Variants in GUF1 observed in about 807,000 individuals in gnomAD.
GUF1 encodes the protein translation factor GUF1, mitochondrial.
In GUF1, 78 loss-of-function variants were observed where a neutral mutation model predicts 82.4. That is an observed-to-expected ratio of 0.95 (90% confidence interval 0.79 to 1.14). The LOEUF (loss-of-function observed/expected upper bound fraction) is 1.14, where lower values mean the gene tolerates loss of function less well. Among genes scored for constraint, GUF1 ranks in the 50% most tolerant of loss-of-function variants. GUF1 has a pLI of 0.00. For synonymous variants in GUF1, 279 were observed against 282.3 expected, an observed-to-expected ratio of 0.99 and a Z score of 0.12; for missense variants, 814 against 798.2, an observed-to-expected ratio of 1.02 and a Z score of -0.24.
chr4:44,698,175 A>C (rs1042196883), intron 16 of GUF1, among the ~76,000 whole-genome samples: 4 of 152,104 alleles, frequency 2.6e-5, no homozygotes, highest in African/African-American at 7.2e-5. Context: ...AAATATCGTG[A>C]GAGTTGAATG....
chr4:44,684,635 G>T (rs375108034), intron 6 of GUF1, among the ~76,000 whole-genome samples: 25 of 152,050 alleles, frequency 1.6e-4, no homozygotes, highest in East Asian at 7.7e-4. Context: ...AATTACTATG[G>T]CTCAGTATTA....
In GUF1 at chr4:44,678,704, C is replaced by A. The variant is rs371867418; in HGVS notation, c.82C>A (p.Pro28Thr). 57 of 1,508,042 alleles carry A rather than the reference C, an allele frequency of 3.8e-5. No individual in the cohort carries two copies. The Middle Eastern group carries it at 7.1e-4, about 19-fold the overall frequency. 93.4% of individuals were successfully genotyped at this position (1,508,042 alleles called of 1,614,324 possible). ...CACTGGGGCCGCGCTTCTGGTGGCC[C>A]CGGGGCCCCGGTCCGCGCCGACCCT... is the stretch of plus-strand genomic sequence containing the variant. ...RATGAALLVA[P>T]GPRSAPTLGA... The change falls in exon 1 of 17, where the codon CCG becomes ACG. Residue 28 changes from proline (P) to threonine (T), a missense_variant. By Grantham distance (38) the Pro-to-Thr change is conservative (BLOSUM62 -1). Transcript: ENST00000281543.
At chr4:44,685,579 A>C (rs543354788) in intron 6 of GUF1, among the ~76,000 whole-genome samples, 1 of 152,190 alleles carries the variant, frequency 6.6e-6, no homozygotes, top group South Asian at 2.1e-4. Flanking sequence ...CCACACAACA[A>C]CCTTGAGATT....
Position 44,698,885 on chromosome 4 carries a change from C to G in GUF1, c.*204C>G. 2.0e-6 allele frequency: 1 copy of G among 511,420 alleles called. No homozygotes were observed. The allele number at this position is 511,420 out of a possible 1,614,324, so 31.7% of individuals were successfully genotyped here. ...TTCTCAAATATCTGTTCCAACCACT[C>G]ACTAGTAAGGTGACCGTGGCCAGAT... On this transcript the variant is annotated 3_prime_UTR_variant, in exon 17 of 17. Transcript: ENST00000281543.
In GUF1 at chr4:44,678,802, G is replaced by A; in HGVS notation, c.165+15G>A. On this transcript the variant is annotated intron_variant, in intron 1 of 16. Coordinates refer to ENST00000281543, the MANE Select transcript of GUF1 (RefSeq NM_021927.3). Reference sequence around the variant, plus strand: ...CAGAATTCAAGGTGACTGCCCCCTGGAATCTGATTTAGCCAAGTTTTCAAA... The same window carrying A: ...CAGAATTCAAGGTGACTGCCCCCTGAAATCTGATTTAGCCAAGTTTTCAAA... The A allele has an allele frequency of 6.5e-7, 1 of 1,547,194 alleles. No individual in the cohort carries two copies. Among genetic ancestry groups the A allele is most frequent in the South Asian group, 1.2e-5 (1 of 80,420 alleles).
intron 10 of GUF1, 144 bp from the exon 11 acceptor site, chr4:44,689,699 T>C (rs1715303166): frequency 2.8e-6 from 2 of 704,606 alleles, no homozygotes; most frequent in Non-Finnish European, 4.3e-6. Flanking sequence ...TTTAATAAAA[T>C]TATGCTAGCA....
chr4:44,697,354 CTTTTAAACAGT>C (rs1715891312), intron 15 of GUF1, 43 bp from the exon 16 acceptor site: 1 of 1,096,176 alleles, frequency 9.1e-7, no homozygotes, highest in Non-Finnish European at 1.3e-6. Flanking sequence ...TAAGGAAGTG[CTTTTAAACAGT>C]ATAATGGAAT....
At position 44,680,495 on chromosome 4, in the gene GUF1, G is replaced by A. The variant is rs775392513; in HGVS notation, c.220G>A (p.Val74Ile). ...TGAAAATATTAGAAATTTCAGTATT[G>A]TTGCACACGTGGATCATGGCAAAAG... is the stretch of plus-strand genomic sequence containing the variant. ...PVENIRNFSI[V>I]AHVDHGKSTL... Residue 74 changes from valine to isoleucine, a missense_variant, in exon 2 of 17, where the codon GTT becomes ATT. Transcript: ENST00000281543. The A allele has an allele frequency of 6.2e-7, 1 of 1,609,456 alleles. No homozygotes were observed. The highest frequency in any genetic ancestry group is 8.5e-7 in the Non-Finnish European group (1 of 1,177,618).
chr4:44,682,460 AATTAATG>A, intron 5 of GUF1, 49 bp downstream of exon 5: 1 of 971,428 alleles, frequency 1.0e-6, no homozygotes, highest in Non-Finnish European at 1.5e-6. Context: ...CTAAAAGTAC[AATTAATG>A]TTTAAATGTC....
intron 13 of GUF1, among the ~76,000 whole-genome samples, chr4:44,692,414 T>C (rs1715506509): frequency 6.6e-6 from 1 of 151,790 alleles, no homozygotes; most frequent in African/African-American, 2.4e-5. Flanking sequence ...TTTTTTGTTG[T>C]TGTTGTTGTT....
rs1192545401 is a variant in GUF1, at chr4:44,678,545, G to C, written c.-78G>C. On this transcript the variant is annotated 5_prime_UTR_variant, in exon 1 of 17. Coordinates refer to ENST00000281543, the MANE Select transcript of GUF1 (RefSeq NM_021927.3). The stretch of plus-strand genomic sequence containing the variant: ...GAGTCCTGTCCACCGGATCCTACGG[G>C]GGGTACCTTCGAAAAAAAACGGGCT... 1.7e-6 allele frequency: 2 copies of C among 1,174,920 alleles called. No homozygotes were observed. Among genetic ancestry groups the C allele is most frequent in the Non-Finnish European group, 2.3e-6 (2 of 884,988 alleles). 72.8% of individuals were successfully genotyped at this position (1,174,920 alleles called of 1,614,324 possible).
Position 44,681,200 on chromosome 4 carries a change from T to A in GUF1, c.504T>A (p.Asn168Lys), listed in dbSNP as rs1276036820. Residue 168 changes from asparagine (N) to lysine (K), a missense_variant, in exon 4 of 17, where the codon AAT becomes AAA. Transcript: ENST00000281543. ...CQGVLLVVDA[N>K]EGIQAQTVAN... The stretch of plus-strand genomic sequence containing the variant: ...GTGTTTTACTTGTGGTTGATGCAAA[T>A]GAGGTAGGTATTTTTCATTTTGTAT... 1 of 1,607,024 alleles carries A rather than the reference T, an allele frequency of 6.2e-7. No individual in the cohort carries two copies. Among genetic ancestry groups the A allele is most frequent in the African/African-American group, 1.3e-5 (1 of 74,718 alleles).
intron 6 of GUF1, among the ~76,000 whole-genome samples, chr4:44,684,934 A>G (rs1714964982): frequency 6.6e-6 from 1 of 152,154 alleles, no homozygotes; most frequent in African/African-American, 2.4e-5. Context: ...GCTGTTCTGT[A>G]TATGGGCATA....
Position 44,697,390 on chromosome 4 carries a change from A to G in GUF1, c.1836-18A>G. 6.5e-7 allele frequency: 1 copy of G among 1,532,494 alleles called. No homozygotes were observed. 94.9% of individuals were successfully genotyped at this position (1,532,494 alleles called of 1,614,324 possible). A position where few individuals can be genotyped will look rare whatever the true frequency, so the allele number is the denominator to read the frequency against. The stretch of plus-strand genomic sequence containing the variant: ...TATAATGGAATTATGTACTTAAACG[A>G]ATTTTTCTCTTTTACAGTGTGAAAG... On this transcript the variant is annotated intron_variant, in intron 15 of 16. Coordinates refer to ENST00000281543, the MANE Select transcript of GUF1 (RefSeq NM_021927.3).
rs371225473 is a variant in GUF1 at position 44,683,219 on chromosome 4, A to AT, written c.586-5dup. ...ATCTTTATTATACTTCACATAATGG[A>AT]TTTTTTTTTTTAAAGATAGATCTGA... On this transcript the variant is annotated splice_polypyrimidine_tract_variant and intron_variant, in intron 5 of 16. Transcript: ENST00000281543. The AT allele has an allele frequency of 0.01, 11,814 of 1,133,382 alleles. 2 individuals are homozygous for AT. Among genetic ancestry groups the AT allele is most frequent in the Non-Finnish European group, 0.012 (9,670 of 816,116 alleles). 70.2% of individuals were successfully genotyped at this position (1,133,382 alleles called of 1,614,324 possible).
Position 44,695,880 on chromosome 4 carries a change from T to C in GUF1, c.1835+146T>C, listed in dbSNP as rs139171892. ...ATGATGGTGCTCTCCAGTTTTCTGA[T>C]TTAAGTAATGACTGTTACTTTGAAT... On this transcript the variant is annotated intron_variant, in intron 15 of 16. Coordinates refer to ENST00000281543, the MANE Select transcript of GUF1 (RefSeq NM_021927.3). 30 of 754,072 alleles carry C rather than the reference T, an allele frequency of 4.0e-5. No homozygotes were observed. The Middle Eastern group carries it at 1.6e-3, about 39-fold the overall frequency. 46.7% of individuals were successfully genotyped at this position (754,072 alleles called of 1,614,324 possible).
In GUF1 at chr4:44,678,798, C is replaced by T; in HGVS notation, c.165+11C>T. ...TCCGCAGAATTCAAGGTGACTGCCC[C>T]CTGGAATCTGATTTAGCCAAGTTTT... On this transcript the variant is annotated intron_variant, in intron 1 of 16. Coordinates refer to ENST00000281543, the MANE Select transcript of GUF1 (RefSeq NM_021927.3). 6.5e-7 allele frequency: 1 copy of T among 1,547,506 alleles called. No individual in the cohort carries two copies. The highest frequency in any genetic ancestry group is 8.7e-7 in the Non-Finnish European group (1 of 1,154,810).
At chr4:44,685,050 C>T (rs563984680) in intron 6 of GUF1, among the ~76,000 whole-genome samples, 12 of 152,192 alleles carry the variant, frequency 7.9e-5, no homozygotes, top group African/African-American at 2.9e-4. Flanking sequence ...AATGATGGAT[C>T]TTGGAGTCCC....
chr4:44,678,746 T>C lies in GUF1; in HGVS notation c.124T>C (p.Ser42Pro), dbSNP rs1250071428. The stretch of plus-strand genomic sequence containing the variant: ...GCCGACCCTTGGGGCTGCTCCAGAG[T>C]CCTGGGCTACCGACAGGCTCTACAG... ...SAPTLGAAPE[S>P]WATDRLYSSA... The change falls in exon 1 of 17, where the codon TCC (serine) becomes CCC (proline). Residue 42 changes from serine (S) to proline (P), a missense_variant. Ser to Pro is a moderately conservative substitution (Grantham distance 74). Transcript: ENST00000281543. 1 of 1,549,340 alleles carries C rather than the reference T, an allele frequency of 6.5e-7. No individual in the cohort carries two copies. Among genetic ancestry groups the C allele is most frequent in the East Asian group, 2.6e-5 (1 of 38,944 alleles).
Sources: gnomAD v4.1 joint callset for allele counts (sites outside exome capture counted in the v4.1 genomes callset) on GRCh38, gnomAD v4.1.1 for gene constraint, MANE v1.5 for transcripts, NCBI Gene and HGNC (gene_info 2026-07-23, HGNC 2026-07-21) for gene names.